Variants in UGGT1 observed in about 807,000 individuals in gnomAD.
UGGT1 encodes the protein UDP-glucose glycoprotein glucosyltransferase 1, also known as UDP-glucose:glycoprotein glucosyltransferase 1.
A neutral mutation model predicts 203.9 loss-of-function variants in UGGT1; 107 were observed. That is an observed-to-expected ratio of 0.52 (90% CI 0.45 to 0.62). The LOEUF is 0.62. Ranked by LOEUF, UGGT1 falls within the 20% of genes least tolerant of loss-of-function variation. UGGT1 has a pLI of 0.00. For missense variants in UGGT1, 1,673 were observed against 1,867.2 expected, an observed-to-expected ratio of 0.90 and a Z score of 1.92; for synonymous variants, 628 against 653.5, an observed-to-expected ratio of 0.96 and a Z score of 0.59.
intron 18 of UGGT1, 79 bp from the exon 19 acceptor site, chr2:128,152,705 A>AT: frequency 6.5e-7 from 1 of 1,533,434 alleles, no homozygotes; most frequent in Non-Finnish European, 8.7e-7. Flanking sequence ...AAAGTTAATA[A>AT]TTTTTTGGTT....
chr2:128,128,922 A>G (rs976357650), intron 12 of UGGT1, 107 bp from the exon 13 acceptor site: 7 of 1,098,820 alleles, frequency 6.4e-6, no homozygotes, highest in Non-Finnish European at 8.9e-6. Flanking sequence ...TTTCTCAATT[A>G]ATTTGATTTG....
At chr2:128,163,069 T>A (rs1342019323) in intron 25 of UGGT1, among the ~76,000 whole-genome samples, 1 of 152,220 alleles carries the variant, frequency 6.6e-6, no homozygotes, top group African/African-American at 2.4e-5. Flanking sequence ...CTTGGCTGTG[T>A]ATACTTTGAT....
intron 8 of UGGT1, among the ~76,000 whole-genome samples, chr2:128,119,302 T>G (rs1428981231): frequency 3.3e-5 from 5 of 152,014 alleles, no homozygotes; most frequent in Non-Finnish European, 7.4e-5. Flanking sequence ...ATTAAGAAAT[T>G]TTGAGTTAGC....
intron 32 of UGGT1, 127 bp downstream of exon 32, chr2:128,177,025 CA>C: frequency 1.2e-6 from 1 of 807,306 alleles, no homozygotes; most frequent in Non-Finnish European, 1.9e-6. Context: ...TGCTTTAAGG[CA>C]AAATGTCTTT....
chr2:128,148,287 A>C (rs1689787742), intron 18 of UGGT1, among the ~76,000 whole-genome samples: 1 of 151,914 alleles, frequency 6.6e-6, no homozygotes, highest in Non-Finnish European at 1.5e-5. Flanking sequence ...TAATTTCAGA[A>C]CATTGGTCTC....
intron 25 of UGGT1, 66 bp from the exon 26 acceptor site, chr2:128,164,664 G>C: frequency 7.4e-7 from 1 of 1,352,616 alleles, no homozygotes; most frequent in South Asian, 1.2e-5. Flanking sequence ...CTGATGATAT[G>C]TTTGGCAATA....
At chr2:128,151,256 T>C in intron 18 of UGGT1, 1 of 599,334 alleles carries the variant, frequency 1.7e-6, no homozygotes, top group Non-Finnish European at 3.2e-6. Flanking sequence ...TGCTTGAAAG[T>C]CTTACCTTCC....
chr2:128,093,426 T>C (rs930704852), intron 1 of UGGT1, among the ~76,000 whole-genome samples: 1 of 152,214 alleles, frequency 6.6e-6, no homozygotes, highest in Admixed American at 6.5e-5. Flanking sequence ...GAGACCATGA[T>C]AGACAAAACA....
chr2:128,129,435 GT>G (rs1688770519), intron 13 of UGGT1, among the ~76,000 whole-genome samples: 1 of 141,008 alleles, frequency 7.1e-6, no homozygotes, highest in African/African-American at 2.7e-5. Flanking sequence ...GTCTTGCTCT[GT>G]TGTCCAGGCT....
At chr2:128,138,034 C>G (rs1451338750) in intron 15 of UGGT1, among the ~76,000 whole-genome samples, 1 of 151,788 alleles carries the variant, frequency 6.6e-6, no homozygotes, top group Non-Finnish European at 1.5e-5. Context: ...TGTCACAATC[C>G]CCCCCTTTCT....
rs1161264093 is a variant in UGGT1 at position 128,146,037 on chromosome 2, A to G, written c.2016+70A>G. The G allele has an allele frequency of 1.9e-6, 3 of 1,575,370 alleles. No individual in the cohort carries two copies. The East Asian group carries it at 6.8e-5, about 36-fold the overall frequency. On this transcript the variant is annotated intron_variant, in intron 18 of 40. Transcript: ENST00000259253. ...TTATATTTTTTGTTGCCTCTATAGT[A>G]GGCAGTAAAATTCTTAGTATCACTA...
Position 128,143,184 on chromosome 2 carries a change from A to G in UGGT1, c.1810A>G (p.Ser604Gly), listed in dbSNP as rs996662078. ...EKKYPYVEVN[S>G]ILGIDSAYDR... ...GAAATATCCGTATGTAGAAGTGAATAGCATTTTGGGGATTGATTCTGCTTA... is the reference window on the plus strand; with the variant it reads ...GAAATATCCGTATGTAGAAGTGAATGGCATTTTGGGGATTGATTCTGCTTA... The change falls in exon 17 of 41, where the codon AGC (serine) becomes GGC (glycine). Residue 604 changes from serine to glycine, a missense_variant. Ser to Gly is a moderately conservative substitution (Grantham distance 56, BLOSUM62 0). Around this residue, in one of 4 missense-constraint regions of UGGT1, gnomAD observed 1,073 missense variants for 1,078.7 expected, o/e 0.99. Transcript: ENST00000259253. 1.9e-6 allele frequency: 3 copies of G among 1,613,400 alleles called. No homozygotes were observed. The African/African-American group carries it at 4.0e-5, about 22-fold the overall frequency.
chr2:128,097,118 T>C (rs1687147149), intron 1 of UGGT1, among the ~76,000 whole-genome samples: 1 of 152,220 alleles, frequency 6.6e-6, no homozygotes. Flanking sequence ...GGCTCATGCC[T>C]GTAATCCCAA....
At chr2:128,146,381 G>A (rs956139494) in intron 18 of UGGT1, among the ~76,000 whole-genome samples, 1 of 151,966 alleles carries the variant, frequency 6.6e-6, no homozygotes, top group Non-Finnish European at 1.5e-5. Flanking sequence ...CAAACTCTTG[G>A]CAAGTCCTAT....
intron 9 of UGGT1, 116 bp downstream of exon 9, chr2:128,120,572 T>C: frequency 1.3e-6 from 1 of 780,478 alleles, no homozygotes; most frequent in Non-Finnish European, 2.1e-6. Flanking sequence ...GTGCCTCAGA[T>C]TTTAAAGATA....
intron 33 of UGGT1, 58 bp downstream of exon 33, chr2:128,177,978 C>A: frequency 1.4e-6 from 2 of 1,410,524 alleles, no homozygotes; most frequent in Admixed American, 2.2e-5. Context: ...TAAGCACCAT[C>A]CATCCCTCCT....
intron 1 of UGGT1, among the ~76,000 whole-genome samples, chr2:128,096,811 T>C (rs1464173682): frequency 6.6e-6 from 1 of 152,230 alleles, no homozygotes; most frequent in Non-Finnish European, 1.5e-5. Flanking sequence ...TAAAATATGG[T>C]TGTGTGCAAC....
chr2:128,158,744 G>C (rs976673870), intron 22 of UGGT1, among the ~76,000 whole-genome samples: 1 of 152,080 alleles, frequency 6.6e-6, no homozygotes, highest in Non-Finnish European at 1.5e-5. Flanking sequence ...TTTTGGCTTT[G>C]TGTGTCCTGG....
chr2:128,116,349 T>C lies in UGGT1; in HGVS notation c.872+6T>C. On this transcript the variant is annotated splice_donor_region_variant and intron_variant, in intron 8 of 40. Coordinates refer to ENST00000259253, the MANE Select transcript of UGGT1 (RefSeq NM_020120.4). ...TTCCTCTTTGGAAAATTAAGGTATG[T>C]ATGTTCTGTGTATTTTGGGAAACGC... The C allele has an allele frequency of 1.9e-6, 3 of 1,585,836 alleles. No individual in the cohort carries two copies. The highest frequency in any genetic ancestry group is 2.6e-6 in the Non-Finnish European group (3 of 1,155,814).
Sources: allele counts gnomAD v4.1 joint callset (sites outside exome capture counted in the v4.1 genomes callset), GRCh38; gene constraint gnomAD v4.1.1; regional missense constraint gnomAD v4.1.1; transcripts MANE v1.5; gene names NCBI Gene and HGNC (gene_info 2026-07-23, HGNC 2026-07-21).